RBP5: variants seen among roughly 807,000 people sequenced by gnomAD.
RBP5 encodes retinol-binding protein 5.
Under a neutral mutation model 17.8 loss-of-function variants are expected in RBP5, and 12 were observed. The ratio of observed to expected loss-of-function variants is 0.67; its 90% CI spans 0.43 to 1.09. The LOEUF is 1.09. Among genes scored for constraint, RBP5 ranks in the 50% least tolerant of loss-of-function variants. The pLI is 0.00. For missense variants in RBP5, 172 were observed against 169.4 expected, an observed-to-expected ratio of 1.02 and a Z score of -0.09; for synonymous variants, 64 against 68.1, an observed-to-expected ratio of 0.94 and a Z score of 0.30.
upstream of RBP5, chr12:7,129,797 G>T: frequency 1.0e-6 from 1 of 985,772 alleles, no homozygotes; most frequent in Non-Finnish European, 1.2e-6. The surrounding 1 kb of genome is among the most constrained non-coding windows in gnomAD (Gnocchi z 5.5). Context: ...GGCAGGACAG[G>T]TAGGCAGGAG....
upstream of RBP5, chr12:7,129,572 C>T: frequency 1.0e-6 from 1 of 978,440 alleles, no homozygotes; most frequent in South Asian, 4.7e-5. The surrounding 1 kb of genome is among the most constrained non-coding windows in gnomAD (Gnocchi z 5.5). Context: ...TTCTCTCCCT[C>T]TGAGTCATCG....
At chr12:7,121,258 G>A (rs749777547), downstream of RBP5, among the ~76,000 whole-genome samples, 4 of 152,140 alleles carry the variant, frequency 2.6e-5, no homozygotes, top group Non-Finnish European at 4.4e-5. Flanking sequence ...ATCTTAGGGA[G>A]TGACATTAGG....
chr12:7,126,082 A>AAC (rs1491334250), intron 2 of RBP5, among the ~76,000 whole-genome samples: 6 of 146,124 alleles, frequency 4.1e-5, no homozygotes, highest in Admixed American at 1.4e-4. Flanking sequence ...AAAAAAAAAA[A>AAC]CACAAAAACA....
Position 7,117,852 on chromosome 12 carries a change from C to A in RBP5, n.890-545G>T, listed in dbSNP as rs1939024539. ...GTTCCAGATCTCAGATCTCCCACAC[C>A]CTGTGGGCTCTGTGTGGACTTTCGT... On this transcript the variant is annotated intron_variant and non_coding_transcript_variant, in intron 3 of 3. Coordinates refer to the RBP5 transcript ENST00000619522. This position sits in a 1 kb window ranked among gnomAD's most constrained non-coding sequence, Gnocchi z 4.9. The A allele has an allele frequency of 6.6e-6, 1 of 152,096 alleles. No individual in the cohort carries two copies. The highest frequency in any genetic ancestry group is 6.6e-5 in the Admixed American group (1 of 15,264). The allele number at this position is 152,096 out of a possible 1,614,324, so 9.4% of individuals were successfully genotyped here.
upstream of RBP5, chr12:7,129,886 C>T (rs1482134198): frequency 2.9e-5 from 26 of 891,658 alleles, no homozygotes; most frequent in Non-Finnish European, 3.4e-5. The surrounding 1 kb of genome is among the most constrained non-coding windows in gnomAD (Gnocchi z 5.5). Context: ...AGCCTCGATA[C>T]CGCCCTGCGG....
In RBP5 at chr12:7,128,245, A is replaced by T; in HGVS notation, c.247T>A (p.Cys83Ser). 1 of 1,609,484 alleles carries T rather than the reference A, an allele frequency of 6.2e-7. No homozygotes were observed. Among genetic ancestry groups the T allele is most frequent in the Non-Finnish European group, 8.5e-7 (1 of 1,176,774 alleles). The change falls in exon 2 of 4, where the codon TGC (cysteine) becomes AGC (serine). Residue 83 changes from cysteine (C) to serine (S), a missense_variant. Coordinates refer to ENST00000266560, the MANE Select transcript of RBP5 (RefSeq NM_031491.4). This position sits in a 1 kb window ranked among gnomAD's most constrained non-coding sequence, Gnocchi z 5.3. The part of the protein sequence containing the change: ...EDLRSVDGRK[C>S]QTIVTWEEEH... ...CCCAGCCAGGGGAAATGTACCTGGC[A>T]TTTTCGTCCGTCCACGCTCCTGAGG...
intron 2 of RBP5, among the ~76,000 whole-genome samples, chr12:7,127,273 T>C (rs752632712): frequency 6.6e-6 from 1 of 152,192 alleles, no homozygotes; most frequent in East Asian, 1.9e-4. Context: ...GGATTACAGG[T>C]GTGAGCCACT....
chr12:7,125,566 G>A (rs965660639), intron 2 of RBP5, among the ~76,000 whole-genome samples: 6 of 152,198 alleles, frequency 3.9e-5, no homozygotes, highest in African/African-American at 1.4e-4. Context: ...AAGAGATAGA[G>A]GATCAGTAAA....
upstream of RBP5, chr12:7,129,847 A>C (rs915727671): frequency 1.4e-5 from 14 of 980,116 alleles, no homozygotes; most frequent in Non-Finnish European, 1.7e-5. The surrounding 1 kb of genome is among the most constrained non-coding windows in gnomAD (Gnocchi z 5.5). Flanking sequence ...CGAGGGGTGC[A>C]CGACGTCCTG....
At chr12:7,129,624 T>C, upstream of RBP5, 1 of 985,460 alleles carries the variant, frequency 1.0e-6, no homozygotes, top group African/African-American at 1.7e-5. This position sits in a 1 kb window ranked among gnomAD's most constrained non-coding sequence, Gnocchi z 5.5. Flanking sequence ...GGACAGCCCA[T>C]GCTTTCCAGA....
At chr12:7,126,510 GGT>G (rs780320410) in intron 2 of RBP5, among the ~76,000 whole-genome samples, 4,294 of 130,720 alleles carry the variant, frequency 0.033, 186 homozygotes, top group Admixed American at 0.13. Flanking sequence ...TGGTGGTGGT[GGT>G]GTGTGTGTGT....
At chr12:7,116,014 C>G (rs1391759808) in exon 4 of RBP5, 4 of 152,208 alleles carry the variant, frequency 2.6e-5, no homozygotes, top group Non-Finnish European at 5.9e-5. Flanking sequence ...GGCCCCTCCT[C>G]CAACACGTGG....
intron 2 of RBP5, among the ~76,000 whole-genome samples, chr12:7,125,563 A>G (rs911442288): frequency 1.4e-4 from 21 of 152,202 alleles, no homozygotes; most frequent in African/African-American, 5.1e-4. Context: ...TTGAAGAGAT[A>G]GAGGATCAGT....
rs764480658 is a variant in RBP5 at position 7,124,491 on chromosome 12, T to G, written c.354+138A>C. 22 of 656,254 alleles carry G rather than the reference T, an allele frequency of 3.4e-5. 1 individual carries two copies. In the East Asian group the frequency reaches 5.7e-4, roughly 17 times the overall value. The allele number at this position is 656,254 out of a possible 1,614,324, so 40.7% of individuals were successfully genotyped here. A position where few individuals can be genotyped will look rare whatever the true frequency, so the allele number is the denominator to read the frequency against. On this transcript the variant is annotated intron_variant, in intron 3 of 3. Transcript: ENST00000266560. The surrounding 1 kb of genome is among the most constrained non-coding windows in gnomAD (Gnocchi z 5.3). ...TCCCCACTCCTCCCAGTGCTTTTGC[T>G]TTCCCTCCCTGGTCAATTCCTTGGA...
At position 7,124,323 on chromosome 12, in the gene RBP5, T is replaced by A. The variant is rs747326542; in HGVS notation, c.355-149A>T. ...TGGGCAATTGTATCATTATTCCACA[T>A]CCTCAACTTTCCACCCCTCAGGAAG... On this transcript the variant is annotated intron_variant, in intron 3 of 3. Transcript: ENST00000266560. The surrounding 1 kb of genome is among the most constrained non-coding windows in gnomAD (Gnocchi z 5.3). The A allele has an allele frequency of 9.7e-6, 7 of 723,156 alleles. No homozygotes were observed. In the Admixed American group the frequency reaches 1.5e-4, roughly 16 times the overall value. 44.8% of individuals were successfully genotyped at this position (723,156 alleles called of 1,614,324 possible). A position where few individuals can be genotyped will look rare whatever the true frequency, so the allele number is the denominator to read the frequency against.
At chr12:7,129,830 G>T (rs924518793), upstream of RBP5, 1 of 985,430 alleles carries the variant, frequency 1.0e-6, no homozygotes, top group Non-Finnish European at 1.2e-6. The surrounding 1 kb of genome is among the most constrained non-coding windows in gnomAD (Gnocchi z 5.5). Context: ...CCCGACAGGT[G>T]CGTGCGCGAG....
rs1170075707 is a variant in RBP5 at position 7,128,537 on chromosome 12, C to T, written c.74-119G>A. The T allele has an allele frequency of 4.9e-6, 6 of 1,234,620 alleles. No individual in the cohort carries two copies. The highest frequency in any genetic ancestry group is 7.0e-6 in the Non-Finnish European group (6 of 862,642). The allele number at this position is 1,234,620 out of a possible 1,614,324, so 76.5% of individuals were successfully genotyped here. On this transcript the variant is annotated intron_variant, in intron 1 of 3. Transcript: ENST00000266560. The surrounding 1 kb of genome is among the most constrained non-coding windows in gnomAD (Gnocchi z 5.3). ...GGGTCTGGGACTGTGGATTCACCCC[C>T]TCCTACCAATGCCTGGTTAGAAATG...
chr12:7,123,132 C>T (rs1258887261), downstream of RBP5, among the ~76,000 whole-genome samples: 3 of 152,164 alleles, frequency 2.0e-5, no homozygotes, highest in East Asian at 1.9e-4. Context: ...AGAGCCAAGG[C>T]CCCTGGAGGT....
At chr12:7,126,372 A>G (rs1308174013) in intron 2 of RBP5, among the ~76,000 whole-genome samples, 1 of 152,238 alleles carries the variant, frequency 6.6e-6, no homozygotes, top group Non-Finnish European at 1.5e-5. Flanking sequence ...CTGAAAGTCC[A>G]CTTACAGCAT....
Sources: gnomAD v4.1 joint callset for allele counts (sites outside exome capture counted in the v4.1 genomes callset) on GRCh38, gnomAD v4.1.1 for gene constraint, Gnocchi (gnomAD v3.1) non-coding constraint, MANE v1.5 for transcripts, NCBI Gene and HGNC (gene_info 2026-07-23, HGNC 2026-07-21) for gene names.